Variants in LRRIQ1 observed in about 807,000 individuals in gnomAD.
The protein encoded by LRRIQ1 is leucine rich repeats and IQ motif containing 1, also known as leucine-rich repeat- and IQ domain-containing protein 1.
Under a neutral mutation model 211.9 loss-of-function variants are expected in LRRIQ1, and 210 were observed. That is an observed-to-expected ratio of 0.99 (90% confidence interval 0.89 to 1.11). The LOEUF (loss-of-function observed/expected upper bound fraction) is 1.11, where lower values mean the gene tolerates loss of function less well. Among genes scored for constraint, LRRIQ1 ranks in the 50% most tolerant of loss-of-function variants. The pLI is 0.00. For synonymous variants in LRRIQ1, 699 were observed against 650.1 expected (o/e 1.08, Z -1.14); for missense variants, 2,136 against 1,939.5 (o/e 1.10, Z -1.90).
At chr12:85,231,099 T>C (rs1004492055) in intron 25 of LRRIQ1, among the ~76,000 whole-genome samples, 1 of 151,824 alleles carries the variant, frequency 6.6e-6, no homozygotes, top group Non-Finnish European at 1.5e-5. Context: ...TTTAGAAATA[T>C]TTCCAGGCAT....
intron 11 of LRRIQ1, among the ~76,000 whole-genome samples, chr12:85,093,115 G>A (rs1055021765): frequency 4.6e-5 from 7 of 152,160 alleles, no homozygotes; most frequent in African/African-American, 1.4e-4. Flanking sequence ...TATTTTTCAG[G>A]AGGGTGTGCA....
intron 10 of LRRIQ1, among the ~76,000 whole-genome samples, chr12:85,071,554 G>T (rs921478087): frequency 2.0e-5 from 3 of 151,930 alleles, no homozygotes; most frequent in Non-Finnish European, 4.4e-5. Context: ...TTGTATCAAT[G>T]GGTCAAAAGA....
chr12:85,216,234 G>A (rs1363109913), intron 24 of LRRIQ1, among the ~76,000 whole-genome samples: 2 of 152,000 alleles, frequency 1.3e-5, no homozygotes, highest in Non-Finnish European at 2.9e-5. Context: ...ATGTGTTCTC[G>A]TTCAACTCCC....
intron 15 of LRRIQ1, 54 bp downstream of exon 15, chr12:85,106,669 A>G (rs1886809104): frequency 8.0e-7 from 1 of 1,243,642 alleles, no homozygotes; most frequent in South Asian, 1.3e-5. Context: ...TTGCAGAAAA[A>G]AGTTTGATAA....
At chr12:85,083,729 C>T (rs995024704) in intron 11 of LRRIQ1, among the ~76,000 whole-genome samples, 7 of 152,116 alleles carry the variant, frequency 4.6e-5, no homozygotes. Context: ...TCAGCCACCG[C>T]ACCCGGCCTG....
chr12:85,072,624 A>C (rs1883211790), intron 10 of LRRIQ1, among the ~76,000 whole-genome samples: 1 of 150,920 alleles, frequency 6.6e-6, no homozygotes, highest in South Asian at 2.1e-4. Flanking sequence ...CTTTTTCGTA[A>C]ATTTTAGCTT....
chr12:85,105,796 A>ATTTTTTTTTTTTTTTTTTTTTTCTTTT (rs5799719), intron 14 of LRRIQ1, among the ~76,000 whole-genome samples: 1 of 127,712 alleles, frequency 7.8e-6, no homozygotes. Flanking sequence ...CTTTCTTTCT[A>ATTTTTTTTTTTTTTTTTTTTTTCTTTT]TTTTTTTTTT....
At chr12:85,151,476 T>C (rs1044298113) in intron 19 of LRRIQ1, among the ~76,000 whole-genome samples, 1 of 151,634 alleles carries the variant, frequency 6.6e-6, no homozygotes, top group African/African-American at 2.4e-5. Flanking sequence ...TAAAAAAAAT[T>C]GGTATTCTAA....
chr12:85,099,773 C>G (rs983920764), intron 13 of LRRIQ1, among the ~76,000 whole-genome samples: 2 of 151,738 alleles, frequency 1.3e-5, no homozygotes, highest in Non-Finnish European at 3.0e-5. Flanking sequence ...TACATATATA[C>G]CTATTTTCCC....
intron 16 of LRRIQ1, 77 bp downstream of exon 16, chr12:85,121,953 T>G: frequency 8.2e-7 from 1 of 1,220,800 alleles, no homozygotes; most frequent in South Asian, 2.0e-5. Flanking sequence ...AGTATTCTGA[T>G]TAACACAATT....
intron 7 of LRRIQ1, among the ~76,000 whole-genome samples, chr12:85,053,467 T>G (rs939277170): frequency 6.6e-6 from 1 of 151,842 alleles, no homozygotes; most frequent in Non-Finnish European, 1.5e-5. Context: ...TAAAAAGGAG[T>G]AACAGTAAAA....
rs770465788 is a variant in LRRIQ1 at position 85,066,878 on chromosome 12, A to G, written c.2675A>G (p.Tyr892Cys). 1.3e-6 allele frequency: 2 copies of G among 1,518,584 alleles called. No individual in the cohort carries two copies. The highest frequency in any genetic ancestry group is 4.7e-5 in the East Asian group (2 of 42,662). The allele number at this position is 1,518,584 out of a possible 1,614,324, so 94.1% of individuals were successfully genotyped here. A position where few individuals can be genotyped will look rare whatever the true frequency, so the allele number is the denominator to read the frequency against. ...CTNIQCLELSYNKITRIGYSF... is the reference protein window; with the variant it reads ...CTNIQCLELSCNKITRIGYSF... ...AATATTCAGTGTCTTGAACTTTCAT[A>G]TAATAAAATTACTCGAATTGGTAAG... The change falls in exon 10 of 27, where the codon TAT becomes TGT. Residue 892 changes from tyrosine (Y) to cysteine (C), a missense_variant. Transcript: ENST00000393217.
At chr12:85,260,582 C>A (rs1001463326) in intron 1 of LRRIQ1, among the ~76,000 whole-genome samples, 3 of 152,126 alleles carry the variant, frequency 2.0e-5, no homozygotes, top group Admixed American at 2.0e-4. Context: ...TGTAAAGTTA[C>A]TTCATTAGTT....
chr12:85,056,991 C>A lies in LRRIQ1; in HGVS notation c.2198C>A (p.Thr733Asn). ...ATGACCTGCTGTGTATCAGAGTCAACCCTTCTATATTCTATTGAAGAAAGG... is the reference window on the plus strand; with the variant it reads ...ATGACCTGCTGTGTATCAGAGTCAAACCTTCTATATTCTATTGAAGAAAGG... ...DSMTCCVSESTLLYSIEERRL... is the reference protein window; with the variant it reads ...DSMTCCVSESNLLYSIEERRL... Residue 733 changes from threonine to asparagine, a missense_variant, in exon 8 of 27, where the codon ACC (threonine) becomes AAC (asparagine). Thr to Asn is a moderately conservative substitution (Grantham distance 65). Coordinates refer to ENST00000393217, the MANE Select transcript of LRRIQ1 (RefSeq NM_001079910.2). 1.2e-6 allele frequency: 2 copies of A among 1,608,686 alleles called. No individual in the cohort carries two copies. The highest frequency in any genetic ancestry group is 1.7e-6 in the Non-Finnish European group (2 of 1,178,102).
At chr12:85,146,134 C>A (rs1889879291) in intron 19 of LRRIQ1, among the ~76,000 whole-genome samples, 1 of 140,008 alleles carries the variant, frequency 7.1e-6, no homozygotes, top group Non-Finnish European at 1.6e-5. Context: ...TATAGCTGGA[C>A]TCCTTCTTTT....
chr12:85,081,681 T>G (rs1308612116), intron 11 of LRRIQ1, among the ~76,000 whole-genome samples: 1 of 151,828 alleles, frequency 6.6e-6, no homozygotes, highest in Non-Finnish European at 1.5e-5. Flanking sequence ...TAATTATATT[T>G]GCTGACATTT....
intron 26 of LRRIQ1, among the ~76,000 whole-genome samples, chr12:85,241,932 A>G (rs1290195129): frequency 1.3e-5 from 2 of 152,052 alleles, no homozygotes; most frequent in Non-Finnish European, 2.9e-5. Flanking sequence ...TTGGAGGTGA[A>G]TCAGAATCCA....
intron 16 of LRRIQ1, among the ~76,000 whole-genome samples, chr12:85,122,174 T>C (rs1250046453): frequency 2.0e-5 from 3 of 152,198 alleles, no homozygotes; most frequent in Non-Finnish European, 4.4e-5. Context: ...CATAATTTTA[T>C]TCAATAATTA....
Position 85,153,143 on chromosome 12 carries a change from C to T in LRRIQ1, c.4539C>T (p.Ser1513=). The part of the protein sequence containing the change: ...LSSSEHTQFN[S]RSENKTSSWT... ...CTTCAGAACACACACAATTTAATAG[C>T]AGGTAAGCTAAACTATTGTTTTAGA... Residue 1513 remains serine, a splice_region_variant and synonymous_variant, in exon 21 of 27, where the codon AGC becomes AGT. Coordinates refer to ENST00000393217, the MANE Select transcript of LRRIQ1 (RefSeq NM_001079910.2). The T allele has an allele frequency of 6.3e-7, 1 of 1,581,930 alleles. No homozygotes were observed. Among genetic ancestry groups the T allele is most frequent in the Non-Finnish European group, 8.6e-7 (1 of 1,165,014 alleles).
Sources: allele counts gnomAD v4.1 joint callset (sites outside exome capture counted in the v4.1 genomes callset), GRCh38; gene constraint gnomAD v4.1.1; transcripts MANE v1.5; gene names NCBI Gene and HGNC (gene_info 2026-07-23, HGNC 2026-07-21).